The following E2F3 variants were observed in gnomAD, a reference collection of about 807,000 sequenced individuals.
E2F3 encodes E2F transcription factor 3, also known as transcription factor E2F3.
E2F3 carries 11 observed loss-of-function variants against 44.4 expected under a neutral mutation model. That is an observed-to-expected ratio of 0.25 (90% CI 0.16 to 0.41). E2F3 has a LOEUF of 0.41. Among genes scored for constraint, E2F3 ranks in the 10% least tolerant of loss-of-function variants. The pLI, the probability that E2F3 is intolerant of heterozygous loss-of-function variation, is 1.00. For synonymous variants in E2F3, 249 were observed against 253.0 expected, an observed-to-expected ratio of 0.98 and a Z score of 0.15; for missense variants, 487 against 583.6, an observed-to-expected ratio of 0.83 and a Z score of 1.70.
intron 1 of E2F3, among the ~76,000 whole-genome samples, chr6:20,418,256 G>C (rs749705683): frequency 1.3e-5 from 2 of 152,194 alleles, no homozygotes; most frequent in Non-Finnish European, 2.9e-5. Context: ...CCATATAGTC[G>C]AGTTTTGTAA....
chr6:20,453,245 G>A (rs961038065), intron 1 of E2F3, among the ~76,000 whole-genome samples: 1 of 151,788 alleles, frequency 6.6e-6, no homozygotes, highest in Non-Finnish European at 1.5e-5. Context: ...TCTGGATTTC[G>A]AGTCACAGAA....
chr6:20,432,208 T>C (rs775437524), intron 1 of E2F3, among the ~76,000 whole-genome samples: 3 of 152,236 alleles, frequency 2.0e-5, no homozygotes, highest in Non-Finnish European at 4.4e-5. Flanking sequence ...CCAACATAAT[T>C]GGCCTCAAGA....
chr6:20,433,406 C>G (rs190417479), intron 1 of E2F3, among the ~76,000 whole-genome samples: 2 of 152,284 alleles, frequency 1.3e-5, no homozygotes, highest in Admixed American at 1.3e-4. Flanking sequence ...CTAGATATTA[C>G]TTAATTTTTT....
chr6:20,438,273 C>A (rs1760659495), intron 1 of E2F3, among the ~76,000 whole-genome samples: 1 of 152,134 alleles, frequency 6.6e-6, no homozygotes, highest in Non-Finnish European at 1.5e-5. Context: ...AATCTCCTGT[C>A]TTTGGTGACA....
At chr6:20,428,455 T>C (rs184814784) in intron 1 of E2F3, among the ~76,000 whole-genome samples, 3 of 152,274 alleles carry the variant, frequency 2.0e-5, no homozygotes, top group Non-Finnish European at 4.4e-5. Context: ...ACTCTTGACC[T>C]CAAGTGATCC....
chr6:20,405,056 T>A (rs1249058348), intron 1 of E2F3, among the ~76,000 whole-genome samples: 1 of 152,134 alleles, frequency 6.6e-6, no homozygotes, highest in Non-Finnish European at 1.5e-5. Context: ...ATTTTAACAG[T>A]GTTTGTTGGG....
At chr6:20,484,262 G>A (rs1278261506) in intron 4 of E2F3, among the ~76,000 whole-genome samples, 1 of 152,182 alleles carries the variant, frequency 6.6e-6, no homozygotes, top group Non-Finnish European at 1.5e-5. Context: ...GAGCCACAAA[G>A]GAAGCACTTT....
chr6:20,483,072 CGT>C (rs1214188553), intron 4 of E2F3, 152 bp downstream of exon 4: 13 of 1,145,888 alleles, frequency 1.1e-5, no homozygotes, highest in Non-Finnish European at 1.6e-5. Flanking sequence ...TGTGTGTGCA[CGT>C]GTGTGTGTAA....
At chr6:20,458,809 A>G (rs1462558244) in intron 1 of E2F3, among the ~76,000 whole-genome samples, 2 of 152,220 alleles carry the variant, frequency 1.3e-5, no homozygotes, top group African/African-American at 2.4e-5. Flanking sequence ...GGGAAGAACA[A>G]TTAGAGTAAG....
chr6:20,448,449 T>C (rs1761019201), intron 1 of E2F3, among the ~76,000 whole-genome samples: 1 of 152,108 alleles, frequency 6.6e-6, no homozygotes, highest in Non-Finnish European at 1.5e-5. Context: ...TGCTTGCCTT[T>C]AATATGTATA....
chr6:20,473,972 T>C (rs1042317313), intron 1 of E2F3, among the ~76,000 whole-genome samples: 13 of 152,118 alleles, frequency 8.5e-5, no homozygotes, highest in Non-Finnish European at 1.3e-4. Context: ...TGGAGACTAA[T>C]AGAAACTAAG....
intron 1 of E2F3, among the ~76,000 whole-genome samples, chr6:20,447,716 AC>A (rs1481730002): frequency 2.6e-5 from 4 of 152,220 alleles, no homozygotes; most frequent in Non-Finnish European, 5.9e-5. Flanking sequence ...GAGTTGTGTT[AC>A]AACACATTCA....
chr6:20,489,064 C>G, intron 6 of E2F3, among the ~76,000 whole-genome samples: 1 of 152,118 alleles, frequency 6.6e-6, no homozygotes, highest in East Asian at 1.9e-4. Context: ...AAGCTCTTTG[C>G]AGTATATATT....
chr6:20,485,311 C>T (rs1447686023), intron 4 of E2F3, among the ~76,000 whole-genome samples: 1 of 152,318 alleles, frequency 6.6e-6, no homozygotes, highest in East Asian at 1.9e-4. Flanking sequence ...GGCGCCGTGG[C>T]TCACACCTGT....
At chr6:20,475,417 T>C (rs969264056) in intron 1 of E2F3, among the ~76,000 whole-genome samples, 6 of 152,214 alleles carry the variant, frequency 3.9e-5, no homozygotes, top group Non-Finnish European at 1.5e-5. Flanking sequence ...GCCCCCAGCC[T>C]GCTGACCAGT....
chr6:20,475,272 G>C (rs539332603), intron 1 of E2F3, among the ~76,000 whole-genome samples: 2 of 152,216 alleles, frequency 1.3e-5, no homozygotes, highest in Non-Finnish European at 2.9e-5. Context: ...ACTAGTCCCG[G>C]TCTTTCGAAG....
chr6:20,435,500 C>T (rs1476470034), intron 1 of E2F3, among the ~76,000 whole-genome samples: 1 of 152,156 alleles, frequency 6.6e-6, no homozygotes, highest in Non-Finnish European at 1.5e-5. Flanking sequence ...CACCTGTAAT[C>T]CCAGCACTTT....
At chr6:20,477,965 G>C (rs534126634) in intron 1 of E2F3, among the ~76,000 whole-genome samples, 1 of 152,110 alleles carries the variant, frequency 6.6e-6, no homozygotes, top group Non-Finnish European at 1.5e-5. Flanking sequence ...GATGAGGCAG[G>C]AGGATCACTT....
Position 20,402,474 on chromosome 6 carries a change from C to T in E2F3, c.242C>T (p.Ala81Val). 1.2e-6 allele frequency: 2 copies of T among 1,609,442 alleles called. No individual in the cohort carries two copies. The highest frequency in any genetic ancestry group is 8.5e-7 in the Non-Finnish European group (1 of 1,179,374). Residue 81 changes from alanine to valine, a missense_variant, in exon 1 of 7, where the codon GCC becomes GTC. Transcript: ENST00000346618. This position sits in a 1 kb window ranked among gnomAD's most constrained non-coding sequence, Gnocchi z 5.6. ...SSSLQSGAVA[A>V]GPLLPSAPGA... ...TCCCTCCAAAGCGGCGCCGTAGCCG[C>T]CGGCCCCCTCCTCCCCAGTGCCCCC...
Sources: allele counts gnomAD v4.1 joint callset (sites outside exome capture counted in the v4.1 genomes callset), GRCh38; gene constraint gnomAD v4.1.1; non-coding constraint Gnocchi (gnomAD v3.1); transcripts MANE v1.5; gene names NCBI Gene and HGNC (gene_info 2026-07-23, HGNC 2026-07-21).